Variants in SALL4 observed in about 807,000 individuals in gnomAD.
SALL4 encodes the protein spalt like transcription factor 4, also known as sal-like protein 4.
A neutral mutation model predicts 60.8 loss-of-function variants in SALL4; 4 were observed. The ratio of observed to expected loss-of-function variants is 0.07; its 90% CI spans 0.03 to 0.15. SALL4 has a LOEUF of 0.15. Among genes scored for constraint, SALL4 ranks in the 10% least tolerant of loss-of-function variants. The pLI, the probability that SALL4 is intolerant of heterozygous loss-of-function variation, is 1.00. For missense variants in SALL4, 1,178 were observed against 1,394.7 expected (o/e 0.84, Z 2.48); for synonymous variants, 580 against 574.9 (o/e 1.01, Z -0.13).
Position 51,789,036 on chromosome 20 carries a change from G to T in SALL4, c.2567C>A (p.Thr856Asn). The T allele has an allele frequency of 1.2e-6, 2 of 1,614,224 alleles. No individual in the cohort carries two copies. The highest frequency in any genetic ancestry group is 8.5e-7 in the Non-Finnish European group (1 of 1,180,048). Residue 856 changes from threonine (T) to asparagine (N), a missense_variant, in exon 3 of 4, where the codon ACC becomes AAC. Thr to Asn is a moderately conservative substitution (Grantham distance 65). Transcript: ENST00000217086. ...GCGTGGCTGGGCTGCTAACAAAGGG[G>T]TCATCCCTGGGGACAATGTCGAGGG... The part of the protein sequence containing the change: ...VGPSTLSPGM[T>N]PLLAAQPRRQ...
intron 1 of SALL4, among the ~76,000 whole-genome samples, chr20:51,794,208 C>T: frequency 6.6e-6 from 1 of 152,194 alleles, no homozygotes; most frequent in Non-Finnish European, 1.5e-5. Context: ...AAAAGATGAG[C>T]CCCATTATCT....
In SALL4 at chr20:51,791,632, A is replaced by T. The variant is rs777117211; in HGVS notation, c.851T>A (p.Leu284Gln). ...LLSQKAGSQGLSLDALKQAKL... is the reference protein window; with the variant it reads ...LLSQKAGSQGQSLDALKQAKL... Reference sequence around the variant, plus strand: ...GGCTTGTTTCAAGGCATCCAGAGACAGACCTTGGCTTCCAGCTTTCTGGCT... The same window carrying T: ...GGCTTGTTTCAAGGCATCCAGAGACTGACCTTGGCTTCCAGCTTTCTGGCT... Residue 284 changes from leucine (L) to glutamine (Q), a missense_variant, in exon 2 of 4, where the codon CTG (leucine) becomes CAG (glutamine). Transcript: ENST00000217086. This position sits in a 1 kb window ranked among gnomAD's most constrained non-coding sequence, Gnocchi z 4.6. The T allele has an allele frequency of 6.2e-7, 1 of 1,614,014 alleles. No homozygotes were observed. Among genetic ancestry groups the T allele is most frequent in the South Asian group, 1.1e-5 (1 of 91,088 alleles).
Position 51,790,712 on chromosome 20 carries a change from C to T in SALL4, c.1771G>A (p.Glu591Lys). The change falls in exon 2 of 4, where the codon GAG (glutamate) becomes AAG (lysine). Residue 591 changes from glutamate to lysine, a missense_variant. Transcript: ENST00000217086. This position sits in a 1 kb window ranked among gnomAD's most constrained non-coding sequence, Gnocchi z 5.5. ...CAGATCTTACACTGGAACGGTCTCTCCCCGGTGTGGGTGCGATAATGCATC... is the reference window on the plus strand; with the variant it reads ...CAGATCTTACACTGGAACGGTCTCTTCCCGGTGTGGGTGCGATAATGCATC... ...LKMHYRTHTGERPFQCKICGR... is the reference protein window; with the variant it reads ...LKMHYRTHTGKRPFQCKICGR... 6.2e-7 allele frequency: 1 copy of T among 1,614,126 alleles called. No homozygotes were observed. Among genetic ancestry groups the T allele is most frequent in the East Asian group, 2.2e-5 (1 of 44,862 alleles).
chr20:51,784,433 G>T lies in SALL4; in HGVS notation c.2994C>A (p.Leu998=). 3.1e-6 allele frequency: 5 copies of T among 1,614,196 alleles called. No individual in the cohort carries two copies. The highest frequency in any genetic ancestry group is 4.2e-6 in the Non-Finnish European group (5 of 1,180,050). Reference sequence around the variant, plus strand: ...CGGAGGTGGCCCCCAAGGAAACCGGGAGGGTAGGAACCCCCCCACTCTGGA... The same window carrying T: ...CGGAGGTGGCCCCCAAGGAAACCGGTAGGGTAGGAACCCCCCCACTCTGGA... ...SVIQSGGVPT[L]PVSLGATSVV... Residue 998 remains leucine, a synonymous_variant, in exon 4 of 4, where the codon CTC becomes CTA. Coordinates refer to ENST00000217086, the MANE Select transcript of SALL4 (RefSeq NM_020436.5).
In SALL4 at chr20:51,792,258, C is replaced by A; in HGVS notation, c.225G>T (p.Glu75Asp). The A allele has an allele frequency of 6.2e-7, 1 of 1,613,756 alleles. No individual in the cohort carries two copies. Among genetic ancestry groups the A allele is most frequent in the Non-Finnish European group, 8.5e-7 (1 of 1,180,030 alleles). Residue 75 changes from glutamate (E) to aspartate (D), a missense_variant, in exon 2 of 4, where the codon GAG becomes GAT. This residue lies in a region of SALL4 where 108 missense variants were observed against 95.7 expected (regional missense o/e 1.13). Coordinates refer to ENST00000217086, the MANE Select transcript of SALL4 (RefSeq NM_020436.5). ...TGCTGAAGAACTCCGCACAGCATTT[C>A]TCACAGACGTGCGTCTCCTCCCGAC... ...RLRREETHVC[E>D]KCCAEFFSIS...
rs2122983790 is a variant in SALL4, at chr20:51,801,744, C to A, written c.130+535G>T. On this transcript the variant is annotated intron_variant, in intron 1 of 3. Transcript: ENST00000217086. This position sits in a 1 kb window ranked among gnomAD's most constrained non-coding sequence, Gnocchi z 5.2. ...GTGGGGAGAGGTCGCGCCCCCTCCC[C>A]CCACTTGGCCCGGGAGGGGCGCGTG... is the stretch of plus-strand genomic sequence containing the variant. 6.6e-6 allele frequency among the ~76,000 whole-genome samples: 1 copy of A among 152,290 alleles called. No homozygotes were observed. The highest frequency in any genetic ancestry group is 6.5e-5 in the Admixed American group (1 of 15,306).
At chr20:51,795,172 C>G (rs568774381) in intron 1 of SALL4, among the ~76,000 whole-genome samples, 2 of 152,244 alleles carry the variant, frequency 1.3e-5, no homozygotes, top group East Asian at 3.9e-4. Context: ...AAATGTTCGG[C>G]CGGGCACGGT....
rs1317124266 is a variant in SALL4, at chr20:51,789,009, C to T, written c.2594G>A (p.Arg865Gln). ...MTPLLAAQPR[R>Q]QAKQHGCTRC... Reference sequence around the variant, plus strand: ...TGTGCAGCCATGTTGCTTGGCCTGTCGGCGTGGCTGGGCTGCTAACAAAGG... The same window carrying T: ...TGTGCAGCCATGTTGCTTGGCCTGTTGGCGTGGCTGGGCTGCTAACAAAGG... The change falls in exon 3 of 4, where the codon CGA becomes CAA. Residue 865 changes from arginine (R) to glutamine (Q), a missense_variant. By Grantham distance (43) the Arg-to-Gln change is conservative (BLOSUM62 1). Coordinates refer to ENST00000217086, the MANE Select transcript of SALL4 (RefSeq NM_020436.5). The T allele has an allele frequency of 1.9e-6, 3 of 1,614,210 alleles. No homozygotes were observed. The highest frequency in any genetic ancestry group is 1.3e-5 in the African/African-American group (1 of 75,056).
At chr20:51,793,630 T>C (rs1382036412) in intron 1 of SALL4, among the ~76,000 whole-genome samples, 1 of 152,150 alleles carries the variant, frequency 6.6e-6, no homozygotes, top group African/African-American at 2.4e-5. Context: ...GGTTTCACCA[T>C]GTTGGCCAGG....
intron 3 of SALL4, among the ~76,000 whole-genome samples, chr20:51,785,233 G>A (rs541116818): frequency 7.9e-5 from 12 of 152,062 alleles, no homozygotes; most frequent in Non-Finnish European, 1.6e-4. Context: ...CCTGGGAGGC[G>A]GAGGTTGCAG....
rs144301539 is a variant in SALL4, at chr20:51,790,434, G to C, written c.2049C>G (p.Cys683Trp). Residue 683 changes from cysteine (C) to tryptophan (W), a missense_variant, in exon 2 of 4, where the codon TGC (cysteine) becomes TGG (tryptophan). Transcript: ENST00000217086. This position sits in a 1 kb window ranked among gnomAD's most constrained non-coding sequence, Gnocchi z 5.5. ...CGATGCTTTCGATGACATCATCATG[G>C]CAGATAGCGCCGGTGCTGCCGTTCT... is the stretch of plus-strand genomic sequence containing the variant. ...VGENGSTGAI[C>W]HDDVIESIDV... 3.4e-5 allele frequency: 55 copies of C among 1,614,010 alleles called. No homozygotes were observed. In the African/African-American group the frequency reaches 6.7e-4, roughly 20 times the overall value.
In SALL4 at chr20:51,800,958, G is replaced by A. The variant is rs905740893; in HGVS notation, c.130+1321C>T. 4.6e-5 allele frequency among the ~76,000 whole-genome samples: 7 copies of A among 152,190 alleles called. No individual in the cohort carries two copies. The South Asian group carries it at 1.4e-3, about 32-fold the overall frequency. ...TCTCCGACAAAAAGGCGGGGATACG[G>A]AAGCCAAAAAGTGGCGACCGTCTTC... On this transcript the variant is annotated intron_variant, in intron 1 of 3. Coordinates refer to ENST00000217086, the MANE Select transcript of SALL4 (RefSeq NM_020436.5).
intron 3 of SALL4, among the ~76,000 whole-genome samples, chr20:51,787,767 A>G (rs1161067452): frequency 6.6e-6 from 1 of 151,980 alleles, no homozygotes; most frequent in Non-Finnish European, 1.5e-5. Flanking sequence ...ACCACCTCCC[A>G]AAGTGCTGAG....
In SALL4 at chr20:51,784,050, T is replaced by A; in HGVS notation, c.*215A>T. 1 of 600,498 alleles carries A rather than the reference T, an allele frequency of 1.7e-6. No individual in the cohort carries two copies. The highest frequency in any genetic ancestry group is 2.0e-5 in the South Asian group (1 of 49,342). The allele number at this position is 600,498 out of a possible 1,614,324, so 37.2% of individuals were successfully genotyped here. On this transcript the variant is annotated 3_prime_UTR_variant, in exon 4 of 4. Coordinates refer to ENST00000217086, the MANE Select transcript of SALL4 (RefSeq NM_020436.5). ...AAAAGAGTCTGTATTTGTTTTGGTA[T>A]GCATTTTTTTTTTATTTTTTCAACT...
In SALL4 at chr20:51,791,621, C is replaced by A. The variant is rs746545323; in HGVS notation, c.862G>T (p.Ala288Ser). Residue 288 changes from alanine (A) to serine (S), a missense_variant, in exon 2 of 4, where the codon GCC becomes TCC. By Grantham distance (99) the Ala-to-Ser change is moderately conservative (BLOSUM62 1). Transcript: ENST00000217086. This position sits in a 1 kb window ranked among gnomAD's most constrained non-coding sequence, Gnocchi z 4.6. ...TGAGGTAGCTTGGCTTGTTTCAAGG[C>A]ATCCAGAGACAGACCTTGGCTTCCA... ...KAGSQGLSLD[A>S]LKQAKLPHAN... 1.9e-6 allele frequency: 3 copies of A among 1,613,828 alleles called. No homozygotes were observed. The highest frequency in any genetic ancestry group is 2.5e-6 in the Non-Finnish European group (3 of 1,180,040).
intron 3 of SALL4, among the ~76,000 whole-genome samples, chr20:51,787,152 G>A (rs1334496282): frequency 6.6e-6 from 1 of 152,024 alleles, no homozygotes; most frequent in Non-Finnish European, 1.5e-5. Context: ...GCAGGACGCA[G>A]TGGCTCACAC....
rs1260916509 is a variant in SALL4 at position 51,790,582 on chromosome 20, T to A, written c.1901A>T (p.Lys634Met). The change falls in exon 2 of 4, where the codon AAG becomes ATG. Residue 634 changes from lysine (K) to methionine (M), a missense_variant. Physicochemically the swap from Lys to Met is moderately conservative, Grantham distance 95. Transcript: ENST00000217086. The surrounding 1 kb of genome is among the most constrained non-coding windows in gnomAD (Gnocchi z 5.5). ...TQHSCPICQK[K>M]FTNAVMLQQH... ...CTGCAGCATCACGGCATTAGTGAAC[T>A]TCTTCTGGCAGATGGGGCACGAATG... is the stretch of plus-strand genomic sequence containing the variant. 6.2e-7 allele frequency: 1 copy of A among 1,614,190 alleles called. No individual in the cohort carries two copies.
In SALL4 at chr20:51,784,662, G is replaced by A. The variant is rs755288586; in HGVS notation, c.2765C>T (p.Ala922Val). The change falls in exon 4 of 4, where the codon GCG becomes GTG. Residue 922 changes from alanine to valine, a missense_variant. Transcript: ENST00000217086. ...NLKVHYMTHG[A>V]NNNSARRGRK... ...TCCACGGCGGGCTGAGTTATTGTTC[G>A]CCCCGTGTGTCATGTAGTGAACCTA... The A allele has an allele frequency of 1.2e-5, 20 of 1,614,028 alleles. No individual in the cohort carries two copies. Among genetic ancestry groups the A allele is most frequent in the African/African-American group, 5.3e-5 (4 of 74,908 alleles).
rs1011381611 is a variant in SALL4, at chr20:51,788,280, C to T, written c.2742+581G>A. The stretch of plus-strand genomic sequence containing the variant: ...AAGTGGTCCTCCCACTTCAGCTTCC[C>T]AATTGGCGGGGACCCAAGCATGCAA... On this transcript the variant is annotated intron_variant, in intron 3 of 3. Coordinates refer to ENST00000217086, the MANE Select transcript of SALL4 (RefSeq NM_020436.5). The surrounding 1 kb of genome is among the most constrained non-coding windows in gnomAD (Gnocchi z 4.1). 4.6e-5 allele frequency among the ~76,000 whole-genome samples: 7 copies of T among 151,860 alleles called. No individual in the cohort carries two copies. Among genetic ancestry groups the T allele is most frequent in the African/African-American group, 9.7e-5 (4 of 41,312 alleles).
Sources: gnomAD v4.1 joint callset for allele counts (sites outside exome capture counted in the v4.1 genomes callset) on GRCh38, gnomAD v4.1.1 for gene constraint, gnomAD v4.1.1 regional missense constraint, Gnocchi (gnomAD v3.1) non-coding constraint, MANE v1.5 for transcripts, NCBI Gene and HGNC (gene_info 2026-07-23, HGNC 2026-07-21) for gene names.